Variants in PKHD1 observed in about 807,000 individuals in gnomAD.
PKHD1 encodes the protein PKHD1 ciliary IPT domain containing fibrocystin/polyductin, also known as fibrocystin.
PKHD1 carries 291 observed loss-of-function variants against 412.0 expected under a neutral mutation model. The ratio of observed to expected loss-of-function variants is 0.71; its 90% CI spans 0.64 to 0.78. The LOEUF (loss-of-function observed/expected upper bound fraction) is 0.78. Among genes scored for constraint, PKHD1 ranks in the 30% least tolerant of loss-of-function variants. The probability of loss-of-function intolerance (pLI) is 0.00; values close to 1 mark genes in which losing one functional copy is unlikely to be tolerated. For missense variants in PKHD1, 4,825 were observed against 4,950.7 expected (o/e 0.97, Z 0.76); for synonymous variants, 1,777 against 1,821.5 (o/e 0.98, Z 0.62).
At chr6:52,006,672 TG>T (rs769864508) in intron 35 of PKHD1, among the ~76,000 whole-genome samples, 5 of 152,134 alleles carry the variant, frequency 3.3e-5, no homozygotes, top group Non-Finnish European at 7.4e-5. Flanking sequence ...CCACCACACC[TG>T]GCTGAAAAAT....
At chr6:51,705,298 A>G (rs1214606859) in intron 60 of PKHD1, among the ~76,000 whole-genome samples, 1 of 152,070 alleles carries the variant, frequency 6.6e-6, no homozygotes, top group African/African-American at 2.4e-5. Flanking sequence ...TAAAGTAAGG[A>G]CAAAATACCA....
Position 51,680,499 on chromosome 6 carries a change from C to A in PKHD1, c.10157-20530G>T, listed in dbSNP as rs989844324. Reference sequence around the variant, plus strand: ...GGAGAGCAAAACTCAAGAGTTATCACAAACTAATAAATCTTAGTCCAGGTA... The same window carrying A: ...GGAGAGCAAAACTCAAGAGTTATCAAAAACTAATAAATCTTAGTCCAGGTA... On this transcript the variant is annotated intron_variant, in intron 60 of 66. Coordinates refer to ENST00000371117, the MANE Select transcript of PKHD1 (RefSeq NM_138694.4). Among the ~76,000 whole-genome samples, 9 of 152,140 alleles carry A rather than the reference C, an allele frequency of 5.9e-5. No individual in the cohort carries two copies. The South Asian group carries it at 1.5e-3, about 25-fold the overall frequency.
intron 35 of PKHD1, among the ~76,000 whole-genome samples, chr6:51,982,191 G>T (rs1484343103): frequency 2.1e-4 from 9 of 41,916 alleles, no homozygotes; most frequent in South Asian, 8.4e-4. Context: ...GAGGTGGGGG[G>T]GTCAGCCCCC....
intron 63 of PKHD1, among the ~76,000 whole-genome samples, chr6:51,639,780 A>G (rs939397926): frequency 6.6e-6 from 1 of 152,206 alleles, no homozygotes; most frequent in Non-Finnish European, 1.5e-5. Context: ...TATGATTGGC[A>G]TGGTGGACAA....
Position 51,753,281 on chromosome 6 carries a change from A to G in PKHD1, c.8870T>C (p.Ile2957Thr), listed in dbSNP as rs760222236. The stretch of plus-strand genomic sequence containing the variant: ...ACATGATACGTCAGGCTGAATTTGT[A>G]TATTTCGGGTCAACAGTCCAACCTC... ...AAEVGLLTRNIQIQPDVSCRG... is the reference protein window; with the variant it reads ...AAEVGLLTRNTQIQPDVSCRG... The change falls in exon 57 of 67, where the codon ATA becomes ACA. Residue 2957 changes from isoleucine to threonine, a missense_variant. Ile to Thr is a moderately conservative substitution (Grantham distance 89). Transcript: ENST00000371117. 6.8e-5 allele frequency: 109 copies of G among 1,613,724 alleles called. No individual in the cohort carries two copies. Among genetic ancestry groups the G allele is most frequent in the Non-Finnish European group, 8.7e-5 (103 of 1,179,784 alleles).
intron 53 of PKHD1, among the ~76,000 whole-genome samples, chr6:51,784,686 C>T (rs906301041): frequency 1.3e-5 from 2 of 152,146 alleles, no homozygotes; most frequent in African/African-American, 4.8e-5. Context: ...GCCCATGAAA[C>T]TCATGACGTT....
At chr6:52,045,872 A>G in intron 24 of PKHD1, 132 bp downstream of exon 24, 1 of 706,580 alleles carries the variant, frequency 1.4e-6, no homozygotes. Flanking sequence ...AGTTCATAGA[A>G]TCCCTTTACT....
At chr6:51,918,570 G>T (rs113413290) in intron 37 of PKHD1, among the ~76,000 whole-genome samples, 1 of 152,198 alleles carries the variant, frequency 6.6e-6, no homozygotes, top group South Asian at 2.1e-4. Flanking sequence ...TAGATGTGCC[G>T]CATTTTCTTT....
chr6:52,059,398 G>A (rs1343028788), intron 15 of PKHD1, among the ~76,000 whole-genome samples: 4 of 150,356 alleles, frequency 2.7e-5, no homozygotes, highest in African/African-American at 7.3e-5. Context: ...ATAGGCATGC[G>A]CCACCATGCC....
intron 6 of PKHD1, among the ~76,000 whole-genome samples, chr6:52,074,622 A>G (rs555115263): frequency 6.6e-6 from 1 of 152,294 alleles, no homozygotes; most frequent in South Asian, 2.1e-4. Context: ...CTAAACGAAG[A>G]TGGCCAGCAC....
rs1196987235 is a variant in PKHD1, at chr6:51,746,899, T to A, written c.9830-10A>T. 2.7e-6 allele frequency: 4 copies of A among 1,481,808 alleles called. No homozygotes were observed. Among genetic ancestry groups the A allele is most frequent in the Non-Finnish European group, 3.7e-6 (4 of 1,068,840 alleles). The allele number at this position is 1,481,808 out of a possible 1,614,324, so 91.8% of individuals were successfully genotyped here. On this transcript the variant is annotated splice_polypyrimidine_tract_variant and intron_variant, in intron 58 of 66. Transcript: ENST00000371117. ...CTAGAAAAGGTAACATCTGAAATTTTAAAAATATGTATCATAATATTATAT... is the reference window on the plus strand; with the variant it reads ...CTAGAAAAGGTAACATCTGAAATTTAAAAAATATGTATCATAATATTATAT...
intron 12 of PKHD1, among the ~76,000 whole-genome samples, chr6:52,065,336 G>A (rs942467595): frequency 1.3e-5 from 2 of 151,628 alleles, no homozygotes; most frequent in Non-Finnish European, 1.5e-5. Flanking sequence ...AAGAGAGAGT[G>A]CAGAGCAGCA....
chr6:52,084,999 G>C lies in PKHD1; in HGVS notation c.-66C>G. 2 of 1,038,644 alleles carry C rather than the reference G, an allele frequency of 1.9e-6. No homozygotes were observed. Among genetic ancestry groups the C allele is most frequent in the South Asian group, 1.3e-5 (1 of 79,236 alleles). 64.3% of individuals were successfully genotyped at this position (1,038,644 alleles called of 1,614,324 possible). ...TTAAAAGCATTTTCAGTTTTGATTG[G>C]AGCAGCATAGCTTTTGTGCTTTATA... On this transcript the variant is annotated 5_prime_UTR_variant, in exon 2 of 67. Coordinates refer to ENST00000371117, the MANE Select transcript of PKHD1 (RefSeq NM_138694.4).
intron 37 of PKHD1, among the ~76,000 whole-genome samples, chr6:51,924,490 G>A (rs1785214539): frequency 6.6e-6 from 1 of 152,208 alleles, no homozygotes; most frequent in South Asian, 2.1e-4. Context: ...TTGAGCAGCA[G>A]CACAATATAA....
intron 61 of PKHD1, among the ~76,000 whole-genome samples, chr6:51,653,507 C>T (rs768609194): frequency 1.2e-4 from 19 of 152,110 alleles, no homozygotes; most frequent in Non-Finnish European, 2.6e-4. Context: ...AACTACCACT[C>T]ATCTTTGCCT....
chr6:51,952,774 C>G (rs1678900061), intron 36 of PKHD1, among the ~76,000 whole-genome samples: 2 of 152,048 alleles, frequency 1.3e-5, no homozygotes, highest in South Asian at 4.2e-4. Context: ...AGTTCTGATG[C>G]TAACTTCTTC....
At chr6:51,728,051 A>G (rs1033467082) in intron 60 of PKHD1, among the ~76,000 whole-genome samples, 3 of 152,162 alleles carry the variant, frequency 2.0e-5, no homozygotes, top group Admixed American at 2.0e-4. Context: ...CCCATGCCTT[A>G]TGCACATTTA....
At chr6:52,047,014 T>C (rs1805948929) in intron 23 of PKHD1, among the ~76,000 whole-genome samples, 1 of 152,226 alleles carries the variant, frequency 6.6e-6, no homozygotes, top group Non-Finnish European at 1.5e-5. Flanking sequence ...CGTTTCTAAA[T>C]TGCAAACGAA....
chr6:52,054,487 G>T (rs558019692), intron 19 of PKHD1, among the ~76,000 whole-genome samples: 50 of 152,214 alleles, frequency 3.3e-4, no homozygotes, highest in Non-Finnish European at 6.8e-4. Context: ...GAAAACCCCT[G>T]TTCTAACCCA....
Sources: gnomAD v4.1 joint callset for allele counts (sites outside exome capture counted in the v4.1 genomes callset) on GRCh38, gnomAD v4.1.1 for gene constraint, MANE v1.5 for transcripts, NCBI Gene and HGNC (gene_info 2026-07-23, HGNC 2026-07-21) for gene names.